The following NREP variants were observed in gnomAD, a reference collection of about 807,000 sequenced individuals.
NREP encodes neuronal regeneration-related protein.
Under a neutral mutation model 8.6 loss-of-function variants are expected in NREP, and 5 were observed. The observed-to-expected ratio is 0.58, with a 90% CI of 0.30 to 1.22. NREP has a LOEUF of 1.22. Ranked by LOEUF, NREP falls within the 50% of genes most tolerant of loss-of-function variation. The probability of loss-of-function intolerance (pLI) is 0.07; values close to 1 mark genes in which losing one functional copy is unlikely to be tolerated. For missense variants in NREP, 86 were observed against 82.5 expected (o/e 1.04, Z -0.17); for synonymous variants, 27 against 28.0 (o/e 0.96, Z 0.11).
Position 111,809,870 on chromosome 5 carries a change from CGTGTGTGTGT to C in NREP, c.136-74373_136-74364del, listed in dbSNP as rs3223253. ...ACCACCTCATTGACTGGGACTTTGG[CGTGTGTGTGT>C]GTGTGTGTGTGTGTGTGTGTGTGTG... On this transcript the variant is annotated intron_variant, in intron 2 of 3. Transcript: ENST00000395634. 4.9e-3 allele frequency among the ~76,000 whole-genome samples: 702 copies of C among 144,200 alleles called. 5 individuals are homozygous for C. Among genetic ancestry groups the C allele is most frequent in the South Asian group, 9.1e-3 (41 of 4,528 alleles). 94.6% of individuals were successfully genotyped at this position (144,200 alleles called of 152,430 possible). A position where few individuals can be genotyped will look rare whatever the true frequency, so the allele number is the denominator to read the frequency against.
chr5:111,899,592 T>C (rs1029214366), intron 2 of NREP, among the ~76,000 whole-genome samples: 3 of 152,148 alleles, frequency 2.0e-5, no homozygotes, highest in African/African-American at 7.2e-5. Context: ...CAAGTCCTCA[T>C]CTGTCAATAA....
intron 2 of NREP, chr5:111,969,697 G>C (rs1756747720): frequency 1.3e-5 from 2 of 152,210 alleles, no homozygotes; most frequent in Admixed American, 6.5e-5. Flanking sequence ...CTGCCATAGA[G>C]AGAATAAGGT....
At chr5:111,777,329 CAGTGTGTGGTGTG>C (rs1260070900) in intron 2 of NREP, among the ~76,000 whole-genome samples, 1 of 150,774 alleles carries the variant, frequency 6.6e-6, no homozygotes, top group East Asian at 2.0e-4. Flanking sequence ...ATGTTTGCTA[CAGTGTGTGGTGTG>C]GGTGTGTGTG....
intron 2 of NREP, among the ~76,000 whole-genome samples, chr5:111,746,573 T>C (rs1750019886): frequency 6.6e-6 from 1 of 152,140 alleles, no homozygotes; most frequent in African/African-American, 2.4e-5. Flanking sequence ...AGGTATATAA[T>C]CTCAATTACC....
intron 2 of NREP, among the ~76,000 whole-genome samples, chr5:111,885,819 A>T (rs1048608239): frequency 8.5e-5 from 13 of 152,220 alleles, no homozygotes; most frequent in African/African-American, 3.1e-4. Flanking sequence ...ACAAAAATTA[A>T]TTCAAGATGA....
chr5:111,889,080 C>T (rs1160681182), intron 2 of NREP, among the ~76,000 whole-genome samples: 2 of 152,226 alleles, frequency 1.3e-5, no homozygotes, highest in African/African-American at 2.4e-5. Flanking sequence ...GTATTAGGCT[C>T]TTCTTGCCTT....
intron 2 of NREP, among the ~76,000 whole-genome samples, chr5:111,798,681 G>T (rs1441134327): frequency 6.6e-6 from 1 of 151,438 alleles, no homozygotes; most frequent in Non-Finnish European, 1.5e-5. Context: ...TTCCATCCAG[G>T]TTGCTGCAAA....
chr5:111,842,590 A>C (rs1753057763), intron 2 of NREP, among the ~76,000 whole-genome samples: 3 of 152,064 alleles, frequency 2.0e-5, no homozygotes, highest in Admixed American at 2.0e-4. Flanking sequence ...TTTGCCTTTT[A>C]ATTTTTATGC....
upstream of NREP, among the ~76,000 whole-genome samples, chr5:111,759,054 C>T (rs79840493): frequency 6.6e-6 from 1 of 152,192 alleles, no homozygotes; most frequent in Non-Finnish European, 1.5e-5. Context: ...TTCCCTTGAC[C>T]CTTTCAGGCC....
At chr5:111,755,700 G>T (rs906404739) in intron 2 of NREP, 70 bp downstream of exon 2, 1 of 1,517,664 alleles carries the variant, frequency 6.6e-7, no homozygotes, top group Non-Finnish European at 9.2e-7. Context: ...GATGAAGATG[G>T]GTGGTTGATA....
chr5:111,780,469 AAT>A (rs1362086101), intron 2 of NREP, among the ~76,000 whole-genome samples: 3 of 152,276 alleles, frequency 2.0e-5, no homozygotes, highest in Non-Finnish European at 2.9e-5. Flanking sequence ...AGGGGTTTTC[AAT>A]ATTCTAAGTT....
At chr5:111,826,491 A>AG in intron 2 of NREP, among the ~76,000 whole-genome samples, 1 of 152,200 alleles carries the variant, frequency 6.6e-6, no homozygotes, top group Non-Finnish European at 1.5e-5. Context: ...GAAGTCAGCA[A>AG]GACCACCAAT....
intron 2 of NREP, among the ~76,000 whole-genome samples, chr5:111,949,564 T>C (rs1193065510): frequency 6.6e-6 from 1 of 152,018 alleles, no homozygotes. Flanking sequence ...TGTGCCATGG[T>C]GGTTTGCTGC....
intron 2 of NREP, among the ~76,000 whole-genome samples, chr5:111,767,892 T>C (rs1439286240): frequency 2.0e-5 from 3 of 152,140 alleles, no homozygotes; most frequent in Non-Finnish European, 2.9e-5. Flanking sequence ...CTCAAACTCC[T>C]GGGCTCAAGT....
intron 2 of NREP, among the ~76,000 whole-genome samples, chr5:111,797,708 A>G (rs568305240): frequency 6.6e-6 from 1 of 152,328 alleles, no homozygotes; most frequent in South Asian, 2.1e-4. Context: ...GATAATTGAA[A>G]TGAGAGAGCT....
intron 2 of NREP, among the ~76,000 whole-genome samples, chr5:111,897,726 A>C (rs928209341): frequency 1.3e-5 from 2 of 152,078 alleles, no homozygotes; most frequent in East Asian, 3.8e-4. Context: ...TTTGTTCTCT[A>C]TTATTAATAA....
chr5:111,749,458 C>T (rs1163045017), intron 2 of NREP, among the ~76,000 whole-genome samples: 2 of 152,100 alleles, frequency 1.3e-5, no homozygotes, highest in African/African-American at 2.4e-5. Flanking sequence ...TTGGACTTGG[C>T]TTTACTCGAT....
intron 2 of NREP, among the ~76,000 whole-genome samples, chr5:111,960,378 A>G (rs1461309191): frequency 6.6e-6 from 1 of 152,198 alleles, no homozygotes; most frequent in Non-Finnish European, 1.5e-5. Flanking sequence ...TATTTAATGG[A>G]TTAATATGAA....
At chr5:111,895,319 T>C (rs564459644) in intron 2 of NREP, among the ~76,000 whole-genome samples, 2 of 152,194 alleles carry the variant, frequency 1.3e-5, no homozygotes, top group African/African-American at 4.8e-5. Context: ...TCTCAGCAAA[T>C]ATTAAGGCAC....
Sources: allele counts gnomAD v4.1 joint callset (sites outside exome capture counted in the v4.1 genomes callset), GRCh38; gene constraint gnomAD v4.1.1; transcripts MANE v1.5; gene names NCBI Gene and HGNC (gene_info 2026-07-23, HGNC 2026-07-21).